Variants in TANGO6 observed in about 807,000 individuals in gnomAD.
TANGO6 encodes the protein transport and Golgi organization protein 6 homolog.
A neutral mutation model predicts 114.2 loss-of-function variants in TANGO6; 90 were observed. That is an observed-to-expected ratio of 0.79 (90% confidence interval 0.66 to 0.94). The LOEUF is 0.94. Ranked by LOEUF, TANGO6 falls within the 40% of genes least tolerant of loss-of-function variation. TANGO6 has a pLI of 0.00. For synonymous variants in TANGO6, 477 were observed against 509.8 expected (o/e 0.94, Z 0.87); for missense variants, 1,274 against 1,315.3 (o/e 0.97, Z 0.49).
chr16:68,934,091 A>G (rs1286029723), intron 14 of TANGO6, among the ~76,000 whole-genome samples: 3 of 149,936 alleles, frequency 2.0e-5, no homozygotes, highest in Non-Finnish European at 4.4e-5. Context: ...CACTCAGGGT[A>G]GAGTATAGTG....
Position 68,881,334 on chromosome 16 carries a change from C to G in TANGO6, c.1377+704C>G, listed in dbSNP as rs113829402. 3.2e-3 allele frequency among the ~76,000 whole-genome samples: 492 copies of G among 151,614 alleles called. 1 individual carries two copies. Among genetic ancestry groups the G allele is most frequent in the Admixed American group, 5.1e-3 (78 of 15,206 alleles). On this transcript the variant is annotated intron_variant, in intron 7 of 17. Coordinates refer to ENST00000261778, the MANE Select transcript of TANGO6 (RefSeq NM_024562.2). ...TTCAAGACCAGCCTGGCCAATATGGCGAAACCCTATCTCTACTAAAAATAC... is the reference window on the plus strand; with the variant it reads ...TTCAAGACCAGCCTGGCCAATATGGGGAAACCCTATCTCTACTAAAAATAC...
intron 3 of TANGO6, among the ~76,000 whole-genome samples, chr16:68,863,610 C>CA (rs995584397): frequency 6.6e-6 from 1 of 151,288 alleles, no homozygotes; most frequent in Admixed American, 6.6e-5. Context: ...AACTCAGTCT[C>CA]AAAAAAAAGA....
At position 68,867,197 on chromosome 16, in the gene TANGO6, G is replaced by C. The variant is rs374162312; in HGVS notation, c.971G>C (p.Arg324Pro). ...CCTAATGGTGTTCAGGCAGTAGTCC[G>C]GGGCATTTTGGAAGGAGCAGGTGGT... ...MRPNGVQAVV[R>P]GILEGAGAGA... Residue 324 changes from arginine (R) to proline (P), a missense_variant, in exon 4 of 18, where the codon CGG (arginine) becomes CCG (proline). Coordinates refer to ENST00000261778, the MANE Select transcript of TANGO6 (RefSeq NM_024562.2). 7 of 1,613,710 alleles carry C rather than the reference G, an allele frequency of 4.3e-6. No homozygotes were observed. The highest frequency in any genetic ancestry group is 5.1e-6 in the Non-Finnish European group (6 of 1,179,856).
intron 7 of TANGO6, among the ~76,000 whole-genome samples, chr16:68,882,563 G>A (rs1050031876): frequency 5.3e-5 from 8 of 152,108 alleles, no homozygotes; most frequent in Admixed American, 3.3e-4. Flanking sequence ...AGGACAGGGA[G>A]CAATTACAAA....
At chr16:69,020,117 A>G (rs1959374919) in intron 15 of TANGO6, among the ~76,000 whole-genome samples, 1 of 152,134 alleles carries the variant, frequency 6.6e-6, no homozygotes, top group Non-Finnish European at 1.5e-5. Flanking sequence ...TTTTATACAG[A>G]AAATCAAATG....
At chr16:68,857,091 A>G (rs867591475) in intron 1 of TANGO6, among the ~76,000 whole-genome samples, 1 of 152,268 alleles carries the variant, frequency 6.6e-6, no homozygotes, top group African/African-American at 2.4e-5. Flanking sequence ...CCTGGGCGAC[A>G]GAGCGAGACT....
chr16:68,858,720 C>G (rs904846580), intron 1 of TANGO6, among the ~76,000 whole-genome samples: 1 of 151,958 alleles, frequency 6.6e-6, no homozygotes, highest in African/African-American at 2.4e-5. Flanking sequence ...TGGGCTCAAG[C>G]GATCCTCCTG....
intron 11 of TANGO6, among the ~76,000 whole-genome samples, 171 bp from the exon 12 acceptor site, chr16:68,918,914 T>TA (rs143767290): frequency 8.7e-5 from 13 of 149,460 alleles, no homozygotes; most frequent in Non-Finnish European, 1.3e-4. Flanking sequence ...GGTAAATGTT[T>TA]AAAAAAAAAA....
At chr16:69,069,874 C>T (rs575355212) in intron 17 of TANGO6, among the ~76,000 whole-genome samples, 4 of 152,046 alleles carry the variant, frequency 2.6e-5, no homozygotes, top group African/African-American at 7.2e-5. Context: ...GAATTCAGGG[C>T]GAGTCCACAT....
chr16:68,899,075 C>G (rs1962749274), intron 7 of TANGO6, among the ~76,000 whole-genome samples: 1 of 151,596 alleles, frequency 6.6e-6, no homozygotes, highest in Admixed American at 6.6e-5. Context: ...GAGTTCGAGA[C>G]CAGCCTGAAC....
intron 17 of TANGO6, among the ~76,000 whole-genome samples, chr16:69,060,659 C>G (rs547253984): frequency 8.5e-4 from 129 of 151,714 alleles, no homozygotes; most frequent in African/African-American, 3.0e-3. Flanking sequence ...TCCTTCGTAC[C>G]CACCTTTGCA....
Position 68,919,134 on chromosome 16 carries a change from C to A in TANGO6, c.2042C>A (p.Ala681Asp), listed in dbSNP as rs752336659. ...ATLQRACASL[A>D]HQAESTVESQ... ...TTGCAGAGAGCCTGTGCAAGCCTGG[C>A]CCATCAGGCAGAGAGCACCGTGGAA... Residue 681 changes from alanine (A) to aspartate (D), a missense_variant, in exon 12 of 18, where the codon GCC becomes GAC. Transcript: ENST00000261778. 5.0e-6 allele frequency: 8 copies of A among 1,612,890 alleles called. No individual in the cohort carries two copies. The South Asian group carries it at 8.8e-5, about 18-fold the overall frequency.
chr16:68,865,003 C>T (rs1401272645), intron 3 of TANGO6, among the ~76,000 whole-genome samples: 3 of 152,062 alleles, frequency 2.0e-5, no homozygotes, highest in South Asian at 2.1e-4. Flanking sequence ...TGGTGCCGGG[C>T]GTGGTGGCTC....
intron 17 of TANGO6, among the ~76,000 whole-genome samples, chr16:69,056,531 A>G (rs1960034384): frequency 6.6e-6 from 1 of 151,772 alleles, no homozygotes; most frequent in Non-Finnish European, 1.5e-5. Flanking sequence ...CCTCTTGGAG[A>G]CTCAGTACAT....
At chr16:68,935,293 G>A (rs1963289400) in intron 14 of TANGO6, among the ~76,000 whole-genome samples, 1 of 151,952 alleles carries the variant, frequency 6.6e-6, no homozygotes, top group South Asian at 2.1e-4. Context: ...TTCCTTTTTT[G>A]AGCTGCCCAA....
chr16:68,907,539 C>A lies in TANGO6; in HGVS notation c.1764C>A (p.Cys588Ter). The stretch of plus-strand genomic sequence containing the variant: ...ACTTGCTGTCCCACTGCCAGGAATG[C>A]GGTTTGGCAGGAGACTTCTTCATCT... ...LGDLLSHCQE[C>*]GLAGDFFIFC... The change falls in exon 10 of 18, where the codon TGC becomes TGA. Residue 588 changes from cysteine (C) to a stop codon, truncating the protein, a stop_gained. Transcript: ENST00000261778. LOFTEE classifies it high-confidence loss of function. 3 of 1,613,420 alleles carry A rather than the reference C, an allele frequency of 1.9e-6. No homozygotes were observed. The highest frequency in any genetic ancestry group is 2.2e-5 in the East Asian group (1 of 44,852).
At chr16:68,851,648 G>A (rs778536015) in intron 1 of TANGO6, among the ~76,000 whole-genome samples, 1 of 152,248 alleles carries the variant, frequency 6.6e-6, no homozygotes, top group Non-Finnish European at 1.5e-5. Context: ...ACGTAATTTT[G>A]CATTGTTTGC....
At chr16:69,051,533 A>C (rs948091441) in intron 17 of TANGO6, among the ~76,000 whole-genome samples, 1 of 152,174 alleles carries the variant, frequency 6.6e-6, no homozygotes, top group Non-Finnish European at 1.5e-5. Flanking sequence ...AAATACAAAA[A>C]TTAACTGGGT....
At chr16:68,882,617 A>T (rs1962480375) in intron 7 of TANGO6, among the ~76,000 whole-genome samples, 2 of 152,180 alleles carry the variant, frequency 1.3e-5, no homozygotes, top group Non-Finnish European at 2.9e-5. Context: ...CTAAAATTGT[A>T]TTGTGATGGT....
Sources: gnomAD v4.1 joint callset for allele counts (sites outside exome capture counted in the v4.1 genomes callset) on GRCh38, gnomAD v4.1.1 for gene constraint, MANE v1.5 for transcripts, NCBI Gene and HGNC (gene_info 2026-07-23, HGNC 2026-07-21) for gene names.